The following VPS8 variants were observed in gnomAD, a reference collection of about 807,000 sequenced individuals.
VPS8 encodes the protein vacuolar protein sorting-associated protein 8 homolog.
In VPS8, 129 loss-of-function variants were observed where a neutral mutation model predicts 216.4. The ratio of observed to expected loss-of-function variants is 0.60; its 90% CI spans 0.52 to 0.69. The LOEUF is 0.69. Among genes scored for constraint, VPS8 ranks in the 30% least tolerant of loss-of-function variants. The probability of loss-of-function intolerance (pLI) is 0.00; values close to 1 mark genes in which losing one functional copy is unlikely to be tolerated. For missense variants in VPS8, 1,531 were observed against 1,683.5 expected (o/e 0.91, Z 1.59); for synonymous variants, 571 against 565.4 (o/e 1.01, Z -0.14).
At chr3:184,924,455 TGC>T (rs1257843002) in intron 29 of VPS8, among the ~76,000 whole-genome samples, 1 of 151,926 alleles carries the variant, frequency 6.6e-6, no homozygotes, top group Non-Finnish European at 1.5e-5. Flanking sequence ...AGGTGGAGGT[TGC>T]AGTGAGCCAA....
intron 36 of VPS8, among the ~76,000 whole-genome samples, chr3:184,950,651 C>T (rs1383728631): frequency 6.6e-6 from 1 of 152,108 alleles, no homozygotes; most frequent in Non-Finnish European, 1.5e-5. Context: ...AGGTTTGTTA[C>T]ATAGGTATAC....
chr3:185,031,993 A>G (rs1021602917), intron 46 of VPS8, among the ~76,000 whole-genome samples: 6 of 152,042 alleles, frequency 3.9e-5, no homozygotes, highest in African/African-American at 1.4e-4. Context: ...ATGAAACCCT[A>G]TCTCTACTAA....
chr3:184,920,446 G>A (rs1738413010), intron 29 of VPS8, among the ~76,000 whole-genome samples: 1 of 152,188 alleles, frequency 6.6e-6, no homozygotes, highest in African/African-American at 2.4e-5. Flanking sequence ...AAGGCATATG[G>A]TGATAATTGC....
intron 16 of VPS8, among the ~76,000 whole-genome samples, chr3:184,864,266 G>C (rs1726928544): frequency 6.6e-6 from 1 of 152,202 alleles, no homozygotes; most frequent in South Asian, 2.1e-4. Context: ...TGTGAACTCT[G>C]TGATTGTCCT....
chr3:184,868,998 C>T lies in VPS8; in HGVS notation c.1559C>T (p.Ala520Val). The change falls in exon 19 of 48, where the codon GCG (alanine) becomes GTG (valine). Residue 520 changes from alanine (A) to valine (V), a missense_variant. Ala to Val is a moderately conservative substitution (Grantham distance 64). Coordinates refer to ENST00000625842, the MANE Select transcript of VPS8 (RefSeq NM_001009921.3). ...TGTCTTACAGAAGCGTTGGCTCTTG[C>T]GTGGTCTTTCCATGAAGGAAAAGCA... ...QDCLTEALALAWSFHEGKAKA... is the reference protein window; with the variant it reads ...QDCLTEALALVWSFHEGKAKA... 3.7e-6 allele frequency: 6 copies of T among 1,610,232 alleles called. No homozygotes were observed. The highest frequency in any genetic ancestry group is 2.2e-5 in the South Asian group (2 of 89,918).
intron 46 of VPS8, among the ~76,000 whole-genome samples, chr3:185,032,688 C>CA (rs1452413523): frequency 3.3e-5 from 5 of 150,810 alleles, no homozygotes; most frequent in African/African-American, 1.2e-4. Flanking sequence ...TTTCTTGAGA[C>CA]AAAGTCTCGC....
At chr3:184,893,307 A>T in intron 22 of VPS8, 1 of 1,287,346 alleles carries the variant, frequency 7.8e-7, no homozygotes, top group Non-Finnish European at 1.0e-6. Flanking sequence ...ACTTGTCATG[A>T]AAGACCATAC....
Position 184,999,745 on chromosome 3 carries a change from G to A in VPS8, c.3886G>A (p.Val1296Met), listed in dbSNP as rs1192450920. The change falls in exon 45 of 48, where the codon GTG becomes ATG. Residue 1296 changes from valine to methionine, a missense_variant. Physicochemically the swap from Val to Met is conservative, Grantham distance 21. This residue lies in a region of VPS8 where 1,318 missense variants were observed against 1,468.4 expected (regional missense o/e 0.90). Transcript: ENST00000625842. ...SFCLQNKECT[V>M]EFEGQTRWTC... Reference sequence around the variant, plus strand: ...CTGCCTACAAAACAAAGAATGCACTGTGGAATTTGAGGGCCAAACAAGATG... The same window carrying A: ...CTGCCTACAAAACAAAGAATGCACTATGGAATTTGAGGGCCAAACAAGATG... 2 of 1,613,484 alleles carry A rather than the reference G, an allele frequency of 1.2e-6. No homozygotes were observed. The highest frequency in any genetic ancestry group is 8.5e-7 in the Non-Finnish European group (1 of 1,179,696).
chr3:184,948,581 A>C (rs1004428857), intron 36 of VPS8, among the ~76,000 whole-genome samples: 1 of 152,182 alleles, frequency 6.6e-6, no homozygotes, highest in Non-Finnish European at 1.5e-5. Context: ...ACCAGTAGTA[A>C]ATCAGTGGCC....
chr3:184,872,187 C>T (rs932295646), intron 21 of VPS8, among the ~76,000 whole-genome samples: 1 of 151,710 alleles, frequency 6.6e-6, no homozygotes, highest in African/African-American at 2.4e-5. Context: ...TACCTATCAC[C>T]AAGAGGTTGT....
intron 26 of VPS8, 56 bp downstream of exon 26, chr3:184,913,617 A>G (rs1736976874): frequency 7.2e-7 from 1 of 1,383,198 alleles, no homozygotes; most frequent in Non-Finnish European, 9.9e-7. Flanking sequence ...TTTTTCCTAT[A>G]TTTTTAGAGA....
chr3:184,867,958 C>G, intron 17 of VPS8, 66 bp from the exon 18 acceptor site: 1 of 1,547,480 alleles, frequency 6.5e-7, no homozygotes, highest in African/African-American at 1.4e-5. Flanking sequence ...GGGACTAGGA[C>G]AAATGTATCT....
intron 5 of VPS8, among the ~76,000 whole-genome samples, chr3:184,835,642 C>A (rs1720901145): frequency 6.7e-6 from 1 of 150,224 alleles, no homozygotes; most frequent in Non-Finnish European, 1.5e-5. Flanking sequence ...TTTTCATGTT[C>A]TTTTTGGGGC....
Position 184,966,673 on chromosome 3 carries a change from A to G in VPS8, c.3276A>G (p.Arg1092=), listed in dbSNP as rs771779299. The part of the protein sequence containing the change: ...IHGAFLIMLE[R]LQSKLQEVTH... ...CCTATGTTCTTTTTATCTCCTAGAG[A>G]CTACAAAGCAAACTTCAAGAGGTAA... The change falls in exon 39 of 48, where the codon AGA becomes AGG. Residue 1092 remains arginine (R), a splice_region_variant and synonymous_variant. Coordinates refer to ENST00000625842, the MANE Select transcript of VPS8 (RefSeq NM_001009921.3). 2.5e-6 allele frequency: 4 copies of G among 1,587,604 alleles called. No individual in the cohort carries two copies. The South Asian group carries it at 4.7e-5, about 19-fold the overall frequency.
At chr3:184,912,642 A>G (rs1441483844) in intron 25 of VPS8, among the ~76,000 whole-genome samples, 1 of 152,168 alleles carries the variant, frequency 6.6e-6, no homozygotes, top group Non-Finnish European at 1.5e-5. Context: ...ACCATGTGTC[A>G]TACGAGTTGA....
At chr3:184,915,317 G>A (rs1737346047) in intron 27 of VPS8, 38 bp from the exon 28 acceptor site, 1 of 1,598,108 alleles carries the variant, frequency 6.3e-7, no homozygotes, top group African/African-American at 1.3e-5. Flanking sequence ...TACTTTGTCA[G>A]GTGAGAAAAT....
At chr3:185,040,861 A>T (rs1250246428) in intron 46 of VPS8, among the ~76,000 whole-genome samples, 1 of 152,170 alleles carries the variant, frequency 6.6e-6, no homozygotes, top group Non-Finnish European at 1.5e-5. Context: ...CCTCCCAAGG[A>T]TAGGCCTCTT....
chr3:184,853,407 A>T (rs1240748473), intron 11 of VPS8, among the ~76,000 whole-genome samples: 1 of 152,250 alleles, frequency 6.6e-6, no homozygotes, highest in Non-Finnish European at 1.5e-5. Context: ...CATCTGGAAA[A>T]ATAACTGAAT....
intron 39 of VPS8, 73 bp downstream of exon 39, chr3:184,966,786 C>A (rs1194011336): frequency 5.4e-6 from 6 of 1,108,256 alleles, no homozygotes; most frequent in Non-Finnish European, 7.8e-6. Flanking sequence ...TAATAAATTG[C>A]ATTTATTATG....
Sources: allele counts gnomAD v4.1 joint callset (sites outside exome capture counted in the v4.1 genomes callset), GRCh38; gene constraint gnomAD v4.1.1; regional missense constraint gnomAD v4.1.1; transcripts MANE v1.5; gene names NCBI Gene and HGNC (gene_info 2026-07-23, HGNC 2026-07-21).